The following CCNT2 variants were observed in gnomAD, a reference collection of about 807,000 sequenced individuals.
CCNT2 encodes the protein cyclin-T2.
In CCNT2, 18 loss-of-function variants were observed where a neutral mutation model predicts 70.0. The observed-to-expected ratio is 0.26, with a 90% CI of 0.18 to 0.38. The LOEUF (loss-of-function observed/expected upper bound fraction) is 0.38, where lower values mean the gene tolerates loss of function less well. CCNT2 is among the 10% of genes least tolerant of loss of function. CCNT2 has a pLI of 1.00. For synonymous variants in CCNT2, 334 were observed against 313.3 expected (o/e 1.07, Z -0.70); for missense variants, 734 against 890.2 (o/e 0.82, Z 2.23).
chr2:134,947,266 A>G (rs929152116), intron 6 of CCNT2, among the ~76,000 whole-genome samples: 2 of 152,244 alleles, frequency 1.3e-5, no homozygotes, highest in African/African-American at 4.8e-5. Context: ...AAAGAAAGCA[A>G]ATGCCTATTA....
At chr2:134,938,445 A>C (rs978700562) in intron 3 of CCNT2, among the ~76,000 whole-genome samples, 4 of 152,168 alleles carry the variant, frequency 2.6e-5, no homozygotes, top group African/African-American at 7.2e-5. Context: ...AATTTCTTGA[A>C]ATTGAATAAG....
In CCNT2 at chr2:134,956,597, G is replaced by A. The variant is rs1444652817; in HGVS notation, c.*1949G>A. 2.0e-5 allele frequency: 3 copies of A among 152,526 alleles called. No homozygotes were observed. Among genetic ancestry groups the A allele is most frequent in the Non-Finnish European group, 4.4e-5 (3 of 68,000 alleles). 9.4% of individuals were successfully genotyped at this position (152,526 alleles called of 1,614,324 possible). On this transcript the variant is annotated 3_prime_UTR_variant, in exon 9 of 9. Coordinates refer to ENST00000264157, the MANE Select transcript of CCNT2 (RefSeq NM_058241.3). ...GAAGGGCTTTCTTGGTAATTTAGATGTGAAACCTCTACAGAGCTATCATGT... is the reference window on the plus strand; with the variant it reads ...GAAGGGCTTTCTTGGTAATTTAGATATGAAACCTCTACAGAGCTATCATGT...
chr2:134,935,461 ATC>A (rs1681078930), intron 2 of CCNT2, among the ~76,000 whole-genome samples: 1 of 152,204 alleles, frequency 6.6e-6, no homozygotes, highest in African/African-American at 2.4e-5. Flanking sequence ...TACTGAAAGG[ATC>A]CACTGTCCCT....
At chr2:134,926,688 C>T (rs539449722) in intron 2 of CCNT2, among the ~76,000 whole-genome samples, 1 of 152,328 alleles carries the variant, frequency 6.6e-6, no homozygotes, top group African/African-American at 2.4e-5. Context: ...TGCCCCATTC[C>T]TTTGCATCTT....
intron 8 of CCNT2, 187 bp from the exon 9 acceptor site, chr2:134,953,043 A>G (rs1682642874): frequency 2.0e-6 from 1 of 503,998 alleles, no homozygotes; most frequent in African/African-American, 2.0e-5. Context: ...GGGTGTTTTC[A>G]ATTTTTTATA....
At chr2:134,936,811 T>C (rs761720778) in intron 2 of CCNT2, 30 bp from the exon 3 acceptor site, 1 of 1,582,352 alleles carries the variant, frequency 6.3e-7, no homozygotes, top group South Asian at 1.2e-5. Flanking sequence ...TATTTGTTCT[T>C]AAATGACCAG....
At chr2:134,948,117 C>A (rs545001982) in intron 7 of CCNT2, among the ~76,000 whole-genome samples, 1 of 151,952 alleles carries the variant, frequency 6.6e-6, no homozygotes, top group Non-Finnish European at 1.5e-5. Flanking sequence ...CCCAGGAGTT[C>A]AAGACCAGGC....
chr2:134,921,062 A>T (rs1179051799), intron 2 of CCNT2, among the ~76,000 whole-genome samples: 1 of 152,182 alleles, frequency 6.6e-6, no homozygotes, highest in African/African-American at 2.4e-5. Context: ...TCTTGTGCAT[A>T]ACATTTAGGT....
chr2:134,953,320 G>A lies in CCNT2; in HGVS notation c.865G>A (p.Val289Ile). The A allele has an allele frequency of 3.1e-6, 5 of 1,612,156 alleles. No individual in the cohort carries two copies. Among genetic ancestry groups the A allele is most frequent in the African/African-American group, 1.3e-5 (1 of 74,940 alleles). The change falls in exon 9 of 9, where the codon GTA becomes ATA. Residue 289 changes from valine to isoleucine, a missense_variant. Val to Ile is a conservative substitution (Grantham distance 29). Transcript: ENST00000264157. Reference sequence around the variant, plus strand: ...ATCTTTGGTCCAGAATTCCATTTTAGTAGATAGTGTCACTGGTGTGCCTAC... The same window carrying A: ...ATCTTTGGTCCAGAATTCCATTTTAATAGATAGTGTCACTGGTGTGCCTAC... ...GSSLVQNSIL[V>I]DSVTGVPTNP... is the part of the protein sequence containing the mutation.
rs77231983 is a variant in CCNT2 at position 134,930,681 on chromosome 2, G to A, written c.241-6160G>A. Among the ~76,000 whole-genome samples the A allele has an allele frequency of 0.019, 2,923 of 151,614 alleles. 217 individuals are homozygous for A. In the East Asian group the frequency reaches 0.29, roughly 15 times the overall value. On this transcript the variant is annotated intron_variant, in intron 2 of 8. Coordinates refer to ENST00000264157, the MANE Select transcript of CCNT2 (RefSeq NM_058241.3). ...GGGTTGCAATATCATCACTTTTCTC[G>A]TCTTTTTTTTATCGTAGCCATCCTA...
At chr2:134,946,720 A>G (rs1362963074) in intron 6 of CCNT2, among the ~76,000 whole-genome samples, 2 of 149,062 alleles carry the variant, frequency 1.3e-5, no homozygotes, top group Admixed American at 6.7e-5. Flanking sequence ...CTTCCTTTTC[A>G]GTTTATATAG....
chr2:134,947,669 A>T, intron 6 of CCNT2, 67 bp from the exon 7 acceptor site: 1 of 1,217,240 alleles, frequency 8.2e-7, no homozygotes, highest in Non-Finnish European at 1.1e-6. Flanking sequence ...TTACTGGTAA[A>T]TGTTTTTCTT....
Position 134,953,792 on chromosome 2 carries a change from A to T in CCNT2, c.1337A>T (p.Glu446Val). 1 of 1,614,060 alleles carries T rather than the reference A, an allele frequency of 6.2e-7. No homozygotes were observed. The highest frequency in any genetic ancestry group is 2.2e-5 in the East Asian group (1 of 44,892). ...AAATATAGAGAAAAGCGTAAACTAG[A>T]AACTCTTGATCTCGATGTAAGGGAT... is the stretch of plus-strand genomic sequence containing the variant. ...LDKYREKRKL[E>V]TLDLDVRDHY... The change falls in exon 9 of 9, where the codon GAA (glutamate) becomes GTA (valine). Residue 446 changes from glutamate (E) to valine (V), a missense_variant. Transcript: ENST00000264157.
At chr2:134,943,313 A>G (rs144493808) in intron 5 of CCNT2, 11 of 474,706 alleles carry the variant, frequency 2.3e-5, no homozygotes, top group African/African-American at 2.1e-4. Context: ...AGGTGGGAGG[A>G]TGGCTTGAGC....
intron 1 of CCNT2, among the ~76,000 whole-genome samples, chr2:134,919,414 T>G (rs1285907786): frequency 6.6e-6 from 1 of 152,186 alleles, no homozygotes; most frequent in Non-Finnish European, 1.5e-5. Context: ...CCGCAGCCTT[T>G]CCCGGCTCTC....
intron 5 of CCNT2, chr2:134,944,878 A>AT: frequency 1.0e-6 from 1 of 985,236 alleles, no homozygotes; most frequent in Non-Finnish European, 1.2e-6. Context: ...TGCTAATGGC[A>AT]TTTTTTAATT....
chr2:134,933,007 A>G (rs1680893051), intron 2 of CCNT2, among the ~76,000 whole-genome samples: 1 of 152,230 alleles, frequency 6.6e-6, no homozygotes, highest in Non-Finnish European at 1.5e-5. Flanking sequence ...GGCACTGAAA[A>G]TAGTTATCCT....
intron 7 of CCNT2, among the ~76,000 whole-genome samples, chr2:134,949,918 C>T (rs2105081501): frequency 6.6e-6 from 1 of 152,202 alleles, no homozygotes; most frequent in South Asian, 2.1e-4. Flanking sequence ...CCTCAGCCTC[C>T]TGAGTAGCTG....
chr2:134,951,498 A>G (rs1026916915), intron 7 of CCNT2, among the ~76,000 whole-genome samples: 1 of 152,152 alleles, frequency 6.6e-6, no homozygotes, highest in South Asian at 2.1e-4. Flanking sequence ...GTTTGCTAAT[A>G]TATTAATAGT....
Sources: allele counts gnomAD v4.1 joint callset (sites outside exome capture counted in the v4.1 genomes callset), GRCh38; gene constraint gnomAD v4.1.1; transcripts MANE v1.5; gene names NCBI Gene and HGNC (gene_info 2026-07-23, HGNC 2026-07-21).